CBFB: variants seen among roughly 807,000 people sequenced by gnomAD.
CBFB encodes CBF-beta.
In CBFB, 9 loss-of-function variants were observed where a neutral mutation model predicts 30.4. The ratio of observed to expected loss-of-function variants is 0.30; its 90% CI spans 0.18 to 0.52. The LOEUF is 0.52. CBFB is among the 20% of genes least tolerant of loss of function. CBFB has a pLI of 0.97. For missense variants in CBFB, 170 were observed against 244.0 expected (o/e 0.70, Z 2.02); for synonymous variants, 94 against 84.0 (o/e 1.12, Z -0.65).
In CBFB at chr16:67,098,727, C is replaced by A. The variant is rs147332258; in HGVS notation, c.513C>A (p.Asp171Glu). ...REEMEARRQQ[D>E]PSPGSNLGGG... Reference sequence around the variant, plus strand: ...CATTGCAGGCAAGAAGACAACAAGACCCTAGTCCTGGTTCCAATTTAGGTG... The same window carrying A: ...CATTGCAGGCAAGAAGACAACAAGAACCTAGTCCTGGTTCCAATTTAGGTG... The change falls in exon 6 of 6, where the codon GAC (aspartate) becomes GAA (glutamate). Residue 171 changes from aspartate to glutamate, a missense_variant. Asp to Glu is a conservative substitution (Grantham distance 45). Coordinates refer to ENST00000412916, the MANE Select transcript of CBFB (RefSeq NM_022845.3). 1 of 1,609,846 alleles carries A rather than the reference C, an allele frequency of 6.2e-7. No individual in the cohort carries two copies. The highest frequency in any genetic ancestry group is 8.5e-7 in the Non-Finnish European group (1 of 1,176,292).
intron 5 of CBFB, among the ~76,000 whole-genome samples, chr16:67,091,966 C>T (rs1180131685): frequency 6.6e-6 from 1 of 152,032 alleles, no homozygotes; most frequent in South Asian, 2.1e-4. Flanking sequence ...CTCCACCTCC[C>T]GGGTTCAAGC....
intron 5 of CBFB, among the ~76,000 whole-genome samples, chr16:67,096,894 A>C: frequency 6.7e-6 from 1 of 150,126 alleles, no homozygotes; most frequent in Non-Finnish European, 1.5e-5. Flanking sequence ...GTGAGCCAAG[A>C]TCGCGCCACT....
chr16:67,034,069 C>T (rs1347480466), intron 2 of CBFB, among the ~76,000 whole-genome samples: 1 of 152,080 alleles, frequency 6.6e-6, no homozygotes, highest in African/African-American at 2.4e-5. Context: ...ACTTCGTGAT[C>T]TGCCTGTGTT....
chr16:67,044,165 A>G (rs564950819), intron 3 of CBFB, among the ~76,000 whole-genome samples: 5 of 152,292 alleles, frequency 3.3e-5, no homozygotes, highest in African/African-American at 9.6e-5. Flanking sequence ...TGGTTTTTAC[A>G]TGTATTCTGT....
intron 4 of CBFB, among the ~76,000 whole-genome samples, chr16:67,067,441 C>T (rs1156655948): frequency 1.3e-5 from 2 of 152,144 alleles, no homozygotes; most frequent in Non-Finnish European, 2.9e-5. Context: ...TCGCTCGAAC[C>T]CAGGAGGCAG....
Position 67,038,800 on chromosome 16 carries a change from G to T in CBFB, c.282+2045G>T, listed in dbSNP as rs1017019468. On this transcript the variant is annotated intron_variant, in intron 3 of 5. Coordinates refer to ENST00000412916, the MANE Select transcript of CBFB (RefSeq NM_022845.3). ...CAAAAAAAAAAAAAATTTGTTTTTTGTCAGCTTTAGCCCAAAACTATTTTA... is the reference window on the plus strand; with the variant it reads ...CAAAAAAAAAAAAAATTTGTTTTTTTTCAGCTTTAGCCCAAAACTATTTTA... Among the ~76,000 whole-genome samples the T allele has an allele frequency of 2.1e-4, 32 of 150,474 alleles. No homozygotes were observed. The East Asian group carries it at 5.6e-3, about 27-fold the overall frequency.
intron 2 of CBFB, among the ~76,000 whole-genome samples, chr16:67,035,113 CTTG>C (rs1320180837): frequency 1.3e-5 from 2 of 151,750 alleles, no homozygotes; most frequent in South Asian, 4.2e-4. Flanking sequence ...GGAGTCTCGC[CTTG>C]TTGTCCAGGC....
At chr16:67,066,822 G>T in intron 4 of CBFB, 24 bp downstream of exon 4, 1 of 1,343,282 alleles carries the variant, frequency 7.4e-7, no homozygotes, top group South Asian at 1.2e-5. Context: ...AGGCTTTATT[G>T]AGCATGGTCC....
At chr16:67,091,977 G>A (rs997890872) in intron 5 of CBFB, among the ~76,000 whole-genome samples, 2 of 152,030 alleles carry the variant, frequency 1.3e-5, no homozygotes, top group African/African-American at 4.8e-5. Flanking sequence ...GGGTTCAAGC[G>A]ATTCTCCTGC....
chr16:67,066,834 TTTAGTCCCTAA>T (rs778168140), intron 4 of CBFB, 36 bp downstream of exon 4: 6 of 1,203,576 alleles, frequency 5.0e-6, no homozygotes, highest in Non-Finnish European at 7.4e-6. Flanking sequence ...GCATGGTCCC[TTTAGTCCCTAA>T]TCTTGCCTTT....
intron 3 of CBFB, among the ~76,000 whole-genome samples, chr16:67,042,987 C>G (rs971249786): frequency 1.3e-5 from 2 of 152,090 alleles, no homozygotes; most frequent in Non-Finnish European, 2.9e-5. Context: ...CTGCCTGCCT[C>G]AGCCTCCCAA....
chr16:67,033,609 A>C (rs990323150), intron 2 of CBFB, among the ~76,000 whole-genome samples: 8 of 147,946 alleles, frequency 5.4e-5, no homozygotes, highest in Non-Finnish European at 5.9e-5. Context: ...TATTCTTATC[A>C]ATTCTTTTTT....
At chr16:67,077,091 T>G (rs559651276) in intron 4 of CBFB, among the ~76,000 whole-genome samples, 1 of 152,352 alleles carries the variant, frequency 6.6e-6, no homozygotes, top group South Asian at 2.1e-4. Flanking sequence ...TCTAATTCAA[T>G]GAGAATGTTA....
intron 4 of CBFB, among the ~76,000 whole-genome samples, chr16:67,072,440 T>G (rs533475427): frequency 1.3e-5 from 2 of 152,200 alleles, no homozygotes; most frequent in Non-Finnish European, 2.9e-5. Context: ...AATATATAGA[T>G]TTTTCAATAT....
In CBFB at chr16:67,092,395, CT is replaced by C. The variant is rs1200935326; in HGVS notation, c.496-6314del. On this transcript the variant is annotated intron_variant, in intron 5 of 5. Coordinates refer to ENST00000412916, the MANE Select transcript of CBFB (RefSeq NM_022845.3). Reference sequence around the variant, plus strand: ...TAGCAATAGGGAGAACTAGCAGTGACTAAGGAGGCTGACATTAATGCCAATT... The same window carrying C: ...TAGCAATAGGGAGAACTAGCAGTGACAAGGAGGCTGACATTAATGCCAATT... 5.8e-4 allele frequency among the ~76,000 whole-genome samples: 89 copies of C among 152,194 alleles called. 1 individual carries two copies. The highest frequency in any genetic ancestry group is 2.0e-3 in the African/African-American group (84 of 41,522).
rs764788080 is a variant in CBFB, at chr16:67,085,673, C to CTTT, written c.495+3385_495+3387dup. 8.0e-4 allele frequency among the ~76,000 whole-genome samples: 92 copies of CTTT among 115,444 alleles called. 2 individuals are homozygous for CTTT. The highest frequency in any genetic ancestry group is 1.2e-3 in the African/African-American group (35 of 29,286). 75.7% of individuals were successfully genotyped at this position (115,444 alleles called of 152,430 possible). A position where few individuals can be genotyped will look rare whatever the true frequency, so the allele number is the denominator to read the frequency against. On this transcript the variant is annotated intron_variant, in intron 5 of 5. Transcript: ENST00000412916. ...CTGCACCCAGCCTAAAATTTAGTAT[C>CTTT]TTTTTTTTTTTTTTTTTTTTTTGAG...
intron 4 of CBFB, among the ~76,000 whole-genome samples, chr16:67,071,910 A>T (rs974423167): frequency 6.6e-6 from 1 of 152,160 alleles, no homozygotes; most frequent in African/African-American, 2.4e-5. Context: ...GCCCTCTTTC[A>T]CTGGGCTGGA....
chr16:67,046,583 C>G (rs1454384888), intron 3 of CBFB, among the ~76,000 whole-genome samples: 1 of 152,144 alleles, frequency 6.6e-6, no homozygotes, highest in African/African-American at 2.4e-5. Context: ...TTTAAGTGTA[C>G]AAGTCTGTGA....
chr16:67,032,674 G>A (rs1966371846), intron 2 of CBFB, among the ~76,000 whole-genome samples: 1 of 152,164 alleles, frequency 6.6e-6, no homozygotes, highest in African/African-American at 2.4e-5. Flanking sequence ...TTTGAATTTA[G>A]AGGCTGCTTA....
Sources: allele counts gnomAD v4.1 joint callset (sites outside exome capture counted in the v4.1 genomes callset), GRCh38; gene constraint gnomAD v4.1.1; transcripts MANE v1.5; gene names NCBI Gene and HGNC (gene_info 2026-07-23, HGNC 2026-07-21).